GOLGA8M: variants seen among roughly 807,000 people sequenced by gnomAD.
The protein encoded by GOLGA8M is golgin subfamily A member 8M.
Under a neutral mutation model 87.7 loss-of-function variants are expected in GOLGA8M, and 34 were observed. The observed-to-expected ratio is 0.39, with a 90% CI of 0.29 to 0.52. The LOEUF is 0.52. GOLGA8M is among the 20% of genes least tolerant of loss of function. The probability of loss-of-function intolerance (pLI) is 0.80; values close to 1 mark genes in which losing one functional copy is unlikely to be tolerated. For synonymous variants in GOLGA8M, 138 were observed against 250.2 expected (o/e 0.55, Z 4.23); for missense variants, 396 against 682.2 (o/e 0.58, Z 4.67).
intron 2 of GOLGA8M, 130 bp downstream of exon 2, chr15:28,710,357 G>GGCA: frequency 1.4e-6 from 1 of 696,604 alleles, no homozygotes; most frequent in South Asian, 1.9e-5. Flanking sequence ...GATTACAGGC[G>GGCA]TGGGCCACCA....
chr15:28,710,764 A>ATT (rs1232673139), intron 1 of GOLGA8M, among the ~76,000 whole-genome samples, 158 bp from the exon 2 acceptor site: 32 of 150,316 alleles, frequency 2.1e-4, no homozygotes, highest in African/African-American at 6.6e-4. Flanking sequence ...ACTGAGAAGG[A>ATT]TTGATATCAT....
intron 13 of GOLGA8M, chr15:28,704,855 G>A: frequency 1.8e-6 from 1 of 541,836 alleles, no homozygotes; most frequent in Non-Finnish European, 3.2e-6. Context: ...CCAAAGTGCT[G>A]GGATTATAGG....
At chr15:28,708,677 T>A (rs560434485) in intron 4 of GOLGA8M, among the ~76,000 whole-genome samples, 1 of 151,428 alleles carries the variant, frequency 6.6e-6, no homozygotes, top group Non-Finnish European at 1.5e-5. Flanking sequence ...GAGATGGAGT[T>A]TCAGAAAGGC....
At chr15:28,705,038 G>A (rs1163668278) in intron 13 of GOLGA8M, 121 bp downstream of exon 13, 4 of 1,497,712 alleles carry the variant, frequency 2.7e-6, no homozygotes, top group East Asian at 4.9e-5. Context: ...GCCCTGGGGG[G>A]TGCTGTGGTC....
Position 28,701,282 on chromosome 15 carries a change from C to T in GOLGA8M, c.*672G>A, listed in dbSNP as rs371580724. On this transcript the variant is annotated 3_prime_UTR_variant, in exon 19 of 19. Coordinates refer to ENST00000563027, the MANE Select transcript of GOLGA8M (RefSeq NM_001282468.3). Reference sequence around the variant, plus strand: ...CGGAACAGATGAAACACACTCTATCCTGCACATACCTGCCAGAGGAAGCCA... The same window carrying T: ...CGGAACAGATGAAACACACTCTATCTTGCACATACCTGCCAGAGGAAGCCA... Among the ~76,000 whole-genome samples, 5 of 151,664 alleles carry T rather than the reference C, an allele frequency of 3.3e-5. No homozygotes were observed. The East Asian group carries it at 5.9e-4, about 18-fold the overall frequency.
At chr15:28,704,278 G>T (rs2079935293) in intron 13 of GOLGA8M, among the ~76,000 whole-genome samples, 1 of 148,858 alleles carries the variant, frequency 6.7e-6, no homozygotes, top group Admixed American at 6.9e-5. Context: ...AGGGCACGTG[G>T]TGGCTGGTTT....
At chr15:28,712,167 G>C (rs920420870) in intron 1 of GOLGA8M, 109 bp downstream of exon 1, 8 of 1,537,260 alleles carry the variant, frequency 5.2e-6, no homozygotes, top group Admixed American at 2.0e-5. Context: ...ACCGGGGTTG[G>C]GGGGACCAGT....
chr15:28,713,124 G>T (rs4296229), upstream of GOLGA8M, among the ~76,000 whole-genome samples: 2 of 151,700 alleles, frequency 1.3e-5, no homozygotes, highest in South Asian at 4.2e-4. Context: ...TGGATCATGA[G>T]GTCAGGAGAT....
Position 28,703,306 on chromosome 15 carries a change from G to A in GOLGA8M, c.1368+13C>T, listed in dbSNP as rs1243287225. ...AAAGGTGGCAAAATGGGTGCAGGGG[G>A]AGTCAGGCTCACCATGGCCTCCCTG... is the stretch of plus-strand genomic sequence containing the variant. On this transcript the variant is annotated intron_variant, in intron 15 of 18. Coordinates refer to ENST00000563027, the MANE Select transcript of GOLGA8M (RefSeq NM_001282468.3). 8.5e-4 allele frequency: 338 copies of A among 398,568 alleles called. 6 individuals are homozygous for A. The highest frequency in any genetic ancestry group is 1.1e-3 in the Non-Finnish European group (259 of 236,286). 24.7% of individuals were successfully genotyped at this position (398,568 alleles called of 1,614,324 possible).
Position 28,701,897 on chromosome 15 carries a change from C to T in GOLGA8M, c.*57G>A. On this transcript the variant is annotated 3_prime_UTR_variant, in exon 19 of 19. Coordinates refer to ENST00000563027, the MANE Select transcript of GOLGA8M (RefSeq NM_001282468.3). Reference sequence around the variant, plus strand: ...AATGAATTGTGTAGGAGATTAACCCCATAACTTGGTTTCTTATTTAAAAAT... The same window carrying T: ...AATGAATTGTGTAGGAGATTAACCCTATAACTTGGTTTCTTATTTAAAAAT... 1.4e-6 allele frequency: 2 copies of T among 1,478,272 alleles called. No homozygotes were observed. The highest frequency in any genetic ancestry group is 1.2e-5 in the South Asian group (1 of 84,218). The allele number at this position is 1,478,272 out of a possible 1,614,324, so 91.6% of individuals were successfully genotyped here.
intron 2 of GOLGA8M, among the ~76,000 whole-genome samples, chr15:28,709,789 T>C (rs1013395123): frequency 6.6e-6 from 1 of 151,820 alleles, no homozygotes; most frequent in Non-Finnish European, 1.5e-5. Flanking sequence ...CAGTGACTCC[T>C]GATGGCAAGT....
rs2080076252 is a variant in GOLGA8M at position 28,707,681 on chromosome 15, C to T, written c.591+67G>A. The T allele has an allele frequency of 2.7e-6, 4 of 1,478,264 alleles. No homozygotes were observed. The Admixed American group carries it at 5.9e-5, about 22-fold the overall frequency. The allele number at this position is 1,478,264 out of a possible 1,614,324, so 91.6% of individuals were successfully genotyped here. A position where few individuals can be genotyped will look rare whatever the true frequency, so the allele number is the denominator to read the frequency against. ...AGGACACGCCATCCTGCAGAAGGGA[C>T]CTTTAGGCTCACTCCTCCATCTGCA... On this transcript the variant is annotated intron_variant, in intron 8 of 18. Coordinates refer to ENST00000563027, the MANE Select transcript of GOLGA8M (RefSeq NM_001282468.3).
At position 28,698,598 on chromosome 15, in the gene GOLGA8M, A is replaced by G. The variant is rs1354260381; in HGVS notation, c.*3356T>C. On this transcript the variant is annotated 3_prime_UTR_variant, in exon 19 of 19. Coordinates refer to ENST00000563027, the MANE Select transcript of GOLGA8M (RefSeq NM_001282468.3). Reference sequence around the variant, plus strand: ...TTAATAAAAGTTTTTTAATTAACCCATAACTTTTTTATTTTGGTTTTTAAT... The same window carrying G: ...TTAATAAAAGTTTTTTAATTAACCCGTAACTTTTTTATTTTGGTTTTTAAT... Among the ~76,000 whole-genome samples, 1 of 147,540 alleles carries G rather than the reference A, an allele frequency of 6.8e-6. No individual in the cohort carries two copies. Among genetic ancestry groups the G allele is most frequent in the Non-Finnish European group, 1.5e-5 (1 of 67,782 alleles).
In GOLGA8M at chr15:28,700,568, C is replaced by A. The variant is rs1391104372; in HGVS notation, c.*1386G>T. On this transcript the variant is annotated 3_prime_UTR_variant, in exon 19 of 19. Transcript: ENST00000563027. ...CATTCACGAACAGTAGATTGCACTG[C>A]AGTTTGTACACATTTTAAGTTTCAT... Among the ~76,000 whole-genome samples, 4 of 131,234 alleles carry A rather than the reference C, an allele frequency of 3.0e-5. No individual in the cohort carries two copies. The highest frequency in any genetic ancestry group is 6.3e-5 in the Non-Finnish European group (4 of 63,380). The allele number at this position is 131,234 out of a possible 152,430, so 86.1% of individuals were successfully genotyped here. A position where few individuals can be genotyped will look rare whatever the true frequency, so the allele number is the denominator to read the frequency against.
intron 13 of GOLGA8M, among the ~76,000 whole-genome samples, chr15:28,704,753 T>C (rs1249026263): frequency 6.9e-6 from 1 of 145,704 alleles, no homozygotes; most frequent in African/African-American, 2.6e-5. Context: ...AATTTTTTTT[T>C]TTTTTGTAAT....
At position 28,707,801 on chromosome 15, in the gene GOLGA8M, A is replaced by T. The variant is rs1432256175; in HGVS notation, c.538T>A (p.Leu180Ile). ...ATGACATCAGAGAGAACACTCTCTAACTCTCCTTTACGCTGCAATGAATGT... is the reference window on the plus strand; with the variant it reads ...ATGACATCAGAGAGAACACTCTCTATCTCTCCTTTACGCTGCAATGAATGT... Reference protein sequence around the residue: ...LQHSLQRKGELESVLSDVMAT... With the variant: ...LQHSLQRKGEIESVLSDVMAT... The change falls in exon 8 of 19, where the codon TTA becomes ATA. Residue 180 changes from leucine to isoleucine, a missense_variant. Physicochemically the swap from Leu to Ile is conservative, Grantham distance 5. Transcript: ENST00000563027. The T allele has an allele frequency of 6.3e-7, 1 of 1,578,736 alleles. No homozygotes were observed. Among genetic ancestry groups the T allele is most frequent in the Non-Finnish European group, 8.5e-7 (1 of 1,174,434 alleles).
chr15:28,704,604 G>C (rs1000496296), intron 13 of GOLGA8M, among the ~76,000 whole-genome samples: 1 of 147,730 alleles, frequency 6.8e-6, no homozygotes, highest in Non-Finnish European at 1.5e-5. Flanking sequence ...TCAGACAAGA[G>C]TGTCACTCTG....
In GOLGA8M at chr15:28,702,616, C is replaced by A. The variant is rs758313750; in HGVS notation, c.1469+29G>T. The stretch of plus-strand genomic sequence containing the variant: ...GGCCCCTCCGACGGTCCTGCAGCTC[C>A]CCCTGCCGTGCCCTGGCCTCCCACT... On this transcript the variant is annotated intron_variant, in intron 16 of 18. Coordinates refer to ENST00000563027, the MANE Select transcript of GOLGA8M (RefSeq NM_001282468.3). 2.1e-5 allele frequency: 34 copies of A among 1,610,418 alleles called. No homozygotes were observed. The East Asian group carries it at 7.4e-4, about 35-fold the overall frequency.
chr15:28,706,542 C>G (rs2080036638), intron 9 of GOLGA8M, 36 bp from the exon 10 acceptor site: 1 of 1,239,640 alleles, frequency 8.1e-7, no homozygotes, highest in Non-Finnish European at 1.2e-6. Context: ...GAAGGGCTGT[C>G]ACTGGTCCTC....
Sources: gnomAD v4.1 joint callset for allele counts (sites outside exome capture counted in the v4.1 genomes callset) on GRCh38, gnomAD v4.1.1 for gene constraint, MANE v1.5 for transcripts, NCBI Gene and HGNC (gene_info 2026-07-23, HGNC 2026-07-21) for gene names.